ADGRB3: variants seen among roughly 807,000 people sequenced by gnomAD.
ADGRB3 encodes the protein adhesion G protein-coupled receptor B3, also known as brain-specific angiogenesis inhibitor 3.
Under a neutral mutation model 193.4 loss-of-function variants are expected in ADGRB3, and 37 were observed. The ratio of observed to expected loss-of-function variants is 0.19; its 90% CI spans 0.15 to 0.25. The LOEUF is 0.25. Ranked by LOEUF, ADGRB3 falls within the 10% of genes least tolerant of loss-of-function variation. The pLI is 1.00. For synonymous variants in ADGRB3, 690 were observed against 644.2 expected (o/e 1.07, Z -1.08); for missense variants, 1,637 against 1,852.9 (o/e 0.88, Z 2.14).
chr6:69,111,514 G>A (rs1028218220), intron 17 of ADGRB3, among the ~76,000 whole-genome samples: 24 of 152,116 alleles, frequency 1.6e-4, no homozygotes, highest in Admixed American at 1.4e-3. Context: ...TGTCAAGTAC[G>A]GAAGCCTCAT....
At chr6:69,323,198 T>C (rs1007853789) in intron 20 of ADGRB3, among the ~76,000 whole-genome samples, 1 of 151,982 alleles carries the variant, frequency 6.6e-6, no homozygotes, top group Admixed American at 6.6e-5. Flanking sequence ...AAAATAGAGA[T>C]GGACTAGCTT....
At chr6:69,030,611 G>T (rs192122925) in intron 13 of ADGRB3, among the ~76,000 whole-genome samples, 5 of 152,272 alleles carry the variant, frequency 3.3e-5, no homozygotes, top group Admixed American at 6.5e-5. Context: ...ACCAGGGCCT[G>T]TCAGGGGAGT....
chr6:68,821,508 C>G (rs186882406), intron 3 of ADGRB3, among the ~76,000 whole-genome samples: 1 of 152,042 alleles, frequency 6.6e-6, no homozygotes, highest in Admixed American at 6.6e-5. Flanking sequence ...CTAATTGACA[C>G]TGGTCTCATT....
chr6:68,831,523 C>G (rs748295116), intron 3 of ADGRB3, among the ~76,000 whole-genome samples: 8 of 152,052 alleles, frequency 5.3e-5, no homozygotes, highest in Non-Finnish European at 8.8e-5. Flanking sequence ...TGGGGTTTCA[C>G]AGTCATTCAA....
At chr6:69,017,642 G>A (rs189826436) in intron 12 of ADGRB3, among the ~76,000 whole-genome samples, 3 of 151,970 alleles carry the variant, frequency 2.0e-5, no homozygotes, top group Admixed American at 2.0e-4. Flanking sequence ...GGTCCTCTAG[G>A]TAGGCAGGTA....
At position 68,677,080 on chromosome 6, in the gene ADGRB3, A is replaced by G. The variant is rs1451013620; in HGVS notation, c.757+37648A>G. ...CATCTTTTCATTTTGACAGAGATATACATAAAGAGTAAGGATTCCATACAT... is the reference window on the plus strand; with the variant it reads ...CATCTTTTCATTTTGACAGAGATATGCATAAAGAGTAAGGATTCCATACAT... On this transcript the variant is annotated intron_variant, in intron 3 of 31. Transcript: ENST00000370598. 1.3e-5 allele frequency among the ~76,000 whole-genome samples: 2 copies of G among 152,188 alleles called. 1 individual carries two copies. Among genetic ancestry groups the G allele is most frequent in the Non-Finnish European group, 2.9e-5 (2 of 68,022 alleles).
At chr6:68,909,833 G>C (rs1167953911) in intron 3 of ADGRB3, among the ~76,000 whole-genome samples, 1 of 152,174 alleles carries the variant, frequency 6.6e-6, no homozygotes, top group Non-Finnish European at 1.5e-5. Flanking sequence ...TTGGTTCCAA[G>C]TCTTTGCTAT....
chr6:68,735,719 C>T (rs866366143), intron 3 of ADGRB3, among the ~76,000 whole-genome samples: 4 of 151,872 alleles, frequency 2.6e-5, no homozygotes, highest in Non-Finnish European at 4.4e-5. Context: ...ATTCCATGGA[C>T]GCTTATGGCA....
At chr6:68,711,601 T>C (rs1187081400) in intron 3 of ADGRB3, among the ~76,000 whole-genome samples, 1 of 152,146 alleles carries the variant, frequency 6.6e-6, no homozygotes, top group Non-Finnish European at 1.5e-5. Context: ...TGTTGGTTTT[T>C]GGCTGAAGAA....
At chr6:68,786,580 G>A (rs1278694150) in intron 3 of ADGRB3, among the ~76,000 whole-genome samples, 1 of 152,172 alleles carries the variant, frequency 6.6e-6, no homozygotes, top group Non-Finnish European at 1.5e-5. Flanking sequence ...TTTGAATTCA[G>A]GTAGCATGAT....
At chr6:68,720,556 G>A (rs73463915) in intron 3 of ADGRB3, among the ~76,000 whole-genome samples, 4,913 of 151,858 alleles carry the variant, frequency 0.032, 141 homozygotes, top group African/African-American at 0.073. Context: ...TTATGTTAAT[G>A]CAGTCTCTTT....
At chr6:68,831,362 G>GT (rs1404933380) in intron 3 of ADGRB3, among the ~76,000 whole-genome samples, 1 of 149,818 alleles carries the variant, frequency 6.7e-6, no homozygotes, top group Non-Finnish European at 1.5e-5. Flanking sequence ...TGAATTTGAA[G>GT]TATTCCAGAT....
chr6:68,680,485 A>G (rs1764875632), intron 3 of ADGRB3, among the ~76,000 whole-genome samples: 1 of 152,062 alleles, frequency 6.6e-6, no homozygotes, highest in African/African-American at 2.4e-5. Context: ...CGGCCTTTAG[A>G]GCATTTTGGA....
At chr6:68,752,246 G>A (rs1456771442) in intron 3 of ADGRB3, among the ~76,000 whole-genome samples, 3 of 150,886 alleles carry the variant, frequency 2.0e-5, no homozygotes, top group African/African-American at 7.3e-5. Flanking sequence ...CCCAATAATG[G>A]TGATGGATTT....
chr6:69,376,332 A>G (rs2127343070), intron 30 of ADGRB3, among the ~76,000 whole-genome samples: 1 of 152,044 alleles, frequency 6.6e-6, no homozygotes, highest in South Asian at 2.1e-4. Context: ...TCTGGGGCTC[A>G]TGTGATCCCC....
intron 3 of ADGRB3, among the ~76,000 whole-genome samples, chr6:68,643,999 C>G (rs1412315080): frequency 6.7e-6 from 1 of 148,436 alleles, no homozygotes; most frequent in Non-Finnish European, 1.5e-5. Flanking sequence ...AAACAATAAA[C>G]AAACAAACAA....
chr6:69,212,476 T>G (rs1765687577), intron 17 of ADGRB3, among the ~76,000 whole-genome samples: 1 of 152,108 alleles, frequency 6.6e-6, no homozygotes, highest in Non-Finnish European at 1.5e-5. Context: ...ATTTTAAGGT[T>G]AAAGATGATT....
At chr6:69,276,988 T>C (rs1767315969) in intron 20 of ADGRB3, among the ~76,000 whole-genome samples, 1 of 150,692 alleles carries the variant, frequency 6.6e-6, no homozygotes, top group Non-Finnish European at 1.5e-5. Context: ...CTATAGTCTT[T>C]CTTTTTTTTT....
At chr6:68,679,974 A>G (rs1355088261) in intron 3 of ADGRB3, among the ~76,000 whole-genome samples, 4 of 152,232 alleles carry the variant, frequency 2.6e-5, no homozygotes, top group African/African-American at 7.2e-5. Flanking sequence ...GCCTTCAGGA[A>G]GTGATTAGGT....
Sources: gnomAD v4.1 joint callset for allele counts (sites outside exome capture counted in the v4.1 genomes callset) on GRCh38, gnomAD v4.1.1 for gene constraint, MANE v1.5 for transcripts, NCBI Gene and HGNC (gene_info 2026-07-23, HGNC 2026-07-21) for gene names.